RNF169: variants seen among roughly 807,000 people sequenced by gnomAD.
The protein encoded by RNF169 is E3 ubiquitin-protein ligase RNF169.
RNF169 carries 24 observed loss-of-function variants against 53.9 expected under a neutral mutation model. The ratio of observed to expected loss-of-function variants is 0.45; its 90% CI spans 0.32 to 0.63. RNF169 has a LOEUF of 0.63. Among genes scored for constraint, RNF169 ranks in the 20% least tolerant of loss-of-function variants. The pLI is 0.04. For missense variants in RNF169, 883 were observed against 906.2 expected, an observed-to-expected ratio of 0.97 and a Z score of 0.33; for synonymous variants, 396 against 363.5, an observed-to-expected ratio of 1.09 and a Z score of -1.02.
At chr11:74,770,991 G>C (rs2035251517) in intron 1 of RNF169, among the ~76,000 whole-genome samples, 1 of 151,934 alleles carries the variant, frequency 6.6e-6, no homozygotes, top group Non-Finnish European at 1.5e-5. Flanking sequence ...ATTTTTAGTA[G>C]AGACAGGGTT....
chr11:74,817,088 A>G (rs982080041), intron 3 of RNF169, among the ~76,000 whole-genome samples: 3 of 152,218 alleles, frequency 2.0e-5, no homozygotes, highest in Non-Finnish European at 4.4e-5. Context: ...CTAGAAGTAG[A>G]ATAGAATAGA....
chr11:74,779,368 C>G (rs905066227), intron 1 of RNF169, among the ~76,000 whole-genome samples: 2 of 152,088 alleles, frequency 1.3e-5, no homozygotes, highest in Non-Finnish European at 2.9e-5. Flanking sequence ...AGTGAGCAGC[C>G]TTAAAATTTG....
chr11:74,771,368 A>G (rs73490691), intron 1 of RNF169, among the ~76,000 whole-genome samples: 5,561 of 152,322 alleles, frequency 0.037, 98 homozygotes, highest in Middle Eastern at 0.051. Flanking sequence ...AATTCTACAT[A>G]TAAGTACTTA....
intron 2 of RNF169, among the ~76,000 whole-genome samples, chr11:74,798,352 C>T (rs1233621079): frequency 1.3e-5 from 2 of 152,170 alleles, no homozygotes; most frequent in African/African-American, 4.8e-5. Flanking sequence ...AACTGGCCCC[C>T]CTGGGCGTGG....
In RNF169 at chr11:74,777,671, A is replaced by G. The variant is rs534618415; in HGVS notation, c.503-11955A>G. Reference sequence around the variant, plus strand: ...TCTTAAATTTTTTTTTTTTTGAGACAGGGTCTTGCTCTTTTGCCCAGGTTG... The same window carrying G: ...TCTTAAATTTTTTTTTTTTTGAGACGGGGTCTTGCTCTTTTGCCCAGGTTG... On this transcript the variant is annotated intron_variant, in intron 1 of 5. Coordinates refer to ENST00000299563, the MANE Select transcript of RNF169 (RefSeq NM_001098638.2). 3.3e-5 allele frequency among the ~76,000 whole-genome samples: 5 copies of G among 151,268 alleles called. No individual in the cohort carries two copies. The East Asian group carries it at 7.8e-4, about 24-fold the overall frequency.
At chr11:74,761,353 T>C (rs1235000655) in intron 1 of RNF169, among the ~76,000 whole-genome samples, 35 of 145,212 alleles carry the variant, frequency 2.4e-4, no homozygotes, top group African/African-American at 8.2e-4. Context: ...ATCCTGTCAT[T>C]ATGATGTTAG....
chr11:74,777,632 G>T (rs1185851794), intron 1 of RNF169, among the ~76,000 whole-genome samples: 1 of 147,358 alleles, frequency 6.8e-6, no homozygotes, highest in African/African-American at 2.6e-5. Context: ...TGCAAATCCT[G>T]TTGGTCTCGG....
intron 1 of RNF169, among the ~76,000 whole-genome samples, chr11:74,785,159 A>T (rs966480533): frequency 4.2e-4 from 53 of 126,978 alleles, no homozygotes; most frequent in African/African-American, 2.0e-3. Flanking sequence ...ATGTATTTTT[A>T]TATATATATA....
intron 1 of RNF169, among the ~76,000 whole-genome samples, chr11:74,789,297 C>A (rs2035548130): frequency 6.6e-6 from 1 of 152,144 alleles, no homozygotes; most frequent in Non-Finnish European, 1.5e-5. Flanking sequence ...GTTGAGACAA[C>A]TGAAAAAGGA....
intron 1 of RNF169, among the ~76,000 whole-genome samples, chr11:74,779,862 T>A (rs1210674383): frequency 6.6e-6 from 1 of 152,198 alleles, no homozygotes; most frequent in Non-Finnish European, 1.5e-5. Flanking sequence ...TGGCTGCTTT[T>A]TTTTGGAGAT....
At chr11:74,813,941 C>T (rs1034472194) in intron 3 of RNF169, among the ~76,000 whole-genome samples, 5 of 152,196 alleles carry the variant, frequency 3.3e-5, no homozygotes, top group African/African-American at 4.8e-5. Context: ...CCGCCCGCCT[C>T]AGCCTCCCAA....
At chr11:74,814,973 C>T (rs897882396) in intron 3 of RNF169, among the ~76,000 whole-genome samples, 1 of 152,168 alleles carries the variant, frequency 6.6e-6, no homozygotes, top group Non-Finnish European at 1.5e-5. Flanking sequence ...TATGCTCCCA[C>T]CAGTAGTATG....
At chr11:74,830,954 T>C (rs1047918292) in intron 4 of RNF169, 4 of 152,104 alleles carry the variant, frequency 2.6e-5, no homozygotes. Context: ...CAAAATCTTA[T>C]ACCCTTTCAT....
chr11:74,764,098 A>C (rs2035133451), intron 1 of RNF169, among the ~76,000 whole-genome samples: 1 of 152,248 alleles, frequency 6.6e-6, no homozygotes, highest in African/African-American at 2.4e-5. Flanking sequence ...AAGACTATTA[A>C]GTATAACCAA....
chr11:74,828,702 A>G (rs946179713), intron 4 of RNF169, among the ~76,000 whole-genome samples: 11 of 152,316 alleles, frequency 7.2e-5, no homozygotes, highest in East Asian at 3.9e-4. Flanking sequence ...ACCTACAACC[A>G]TATGATCTTA....
At chr11:74,798,274 G>A (rs989490943) in intron 2 of RNF169, among the ~76,000 whole-genome samples, 1 of 152,190 alleles carries the variant, frequency 6.6e-6, no homozygotes, top group African/African-American at 2.4e-5. Context: ...GAAAAATATC[G>A]CTGAATTCTT....
At chr11:74,764,457 G>A (rs80353520) in intron 1 of RNF169, among the ~76,000 whole-genome samples, 4,622 of 152,116 alleles carry the variant, frequency 0.03, 69 homozygotes, top group Non-Finnish European at 0.038. Flanking sequence ...CCCAGGAGGC[G>A]GTGAGCCAAA....
chr11:74,829,168 T>TA (rs1030730320), intron 4 of RNF169, among the ~76,000 whole-genome samples: 1 of 151,890 alleles, frequency 6.6e-6, no homozygotes, highest in Non-Finnish European at 1.5e-5. Flanking sequence ...GCCACCCCAG[T>TA]AAAAAGTGGA....
At chr11:74,770,158 CA>C (rs747499634) in intron 1 of RNF169, among the ~76,000 whole-genome samples, 1 of 152,156 alleles carries the variant, frequency 6.6e-6, no homozygotes, top group Non-Finnish European at 1.5e-5. Flanking sequence ...AGGGAAAGTA[CA>C]ATTGTAAGAA....
Sources: allele counts gnomAD v4.1 joint callset (sites outside exome capture counted in the v4.1 genomes callset), GRCh38; gene constraint gnomAD v4.1.1; transcripts MANE v1.5; gene names NCBI Gene and HGNC (gene_info 2026-07-23, HGNC 2026-07-21).